Variants in NAA38 observed in about 807,000 individuals in gnomAD.
NAA38 encodes the protein N-alpha-acetyltransferase 38, NatC auxiliary subunit.
NAA38 carries 15 observed loss-of-function variants against 12.6 expected under a neutral mutation model. The observed-to-expected ratio is 1.19, with a 90% CI of 0.79 to 1.83. NAA38 has a LOEUF of 1.83. Ranked by LOEUF, NAA38 falls within the 40% of genes most tolerant of loss-of-function variation. NAA38 has a pLI of 0.00. For synonymous variants in NAA38, 88 were observed against 69.9 expected (o/e 1.26, Z -1.29); for missense variants, 183 against 171.7 (o/e 1.07, Z -0.37).
At chr17:7,861,743 C>A (rs2078884645), upstream of NAA38, 1 of 152,268 alleles carries the variant, frequency 6.6e-6, no homozygotes, top group Non-Finnish European at 1.5e-5. Context: ...AACTTCCTAA[C>A]CTGTTCTCCC....
upstream of NAA38, chr17:7,857,973 T>TA: frequency 1.3e-6 from 2 of 1,482,116 alleles, no homozygotes; most frequent in Non-Finnish European, 8.9e-7. Context: ...CCCTGATATT[T>TA]ATCTCAGTGG....
intron 2 of NAA38, among the ~76,000 whole-genome samples, chr17:7,881,716 A>G (rs1361759395): frequency 6.6e-6 from 1 of 150,572 alleles, no homozygotes; most frequent in Admixed American, 6.6e-5. Flanking sequence ...GGCACAAATA[A>G]GAGAAGGAAC....
chr17:7,877,181 T>C (rs556766682), intron 2 of NAA38: 109 of 223,268 alleles, frequency 4.9e-4, no homozygotes, highest in African/African-American at 2.4e-3. Flanking sequence ...TAATAAATAC[T>C]TTCTCATTGT....
chr17:7,856,764 C>T lies in NAA38; in HGVS notation c.345G>A (p.Gln115=), dbSNP rs781614563. ...ACGGAGGCCCGGTCAGACTCTCCCT[C>T]TGCACCTCAATGGAAACGATGTGGT... The part of the protein sequence containing the change: ...PGHHIVSIEV[Q]RESLTGPPYL The change falls in exon 3 of 3, where the codon CAG becomes CAA. Residue 115 remains glutamine (Q), a synonymous_variant. Transcript: ENST00000575771. The T allele has an allele frequency of 6.2e-7, 1 of 1,613,964 alleles. No individual in the cohort carries two copies. Among genetic ancestry groups the T allele is most frequent in the Admixed American group, 1.7e-5 (1 of 60,006 alleles).
chr17:7,884,533 G>A (rs941562374), intron 1 of NAA38, among the ~76,000 whole-genome samples: 1 of 140,496 alleles, frequency 7.1e-6, no homozygotes, highest in Non-Finnish European at 1.5e-5. Flanking sequence ...AGGAAAGAGA[G>A]AAGGAAAAAA....
At chr17:7,882,352 A>C (rs1438519939) in intron 2 of NAA38, among the ~76,000 whole-genome samples, 5 of 152,294 alleles carry the variant, frequency 3.3e-5, no homozygotes, top group Admixed American at 2.6e-4. Context: ...GGCCAGAAAG[A>C]GGGGGAGTCA....
chr17:7,870,491 C>T (rs1034941824), intron 2 of NAA38, among the ~76,000 whole-genome samples: 8 of 152,102 alleles, frequency 5.3e-5, no homozygotes, highest in South Asian at 2.1e-4. Context: ...ATCTTTTAAT[C>T]GAAAAGATAT....
Position 7,857,157 on chromosome 17 carries a change from G to A in NAA38, c.123C>T (p.Ala41=), listed in dbSNP as rs780941615. Reference sequence around the variant, plus strand: ...TGAGCAGCGCCTCTAGCTGCTGTCGGGCGCGCTCAGCCGCCGAGTCCTCGC... The same window carrying A: ...TGAGCAGCGCCTCTAGCTGCTGTCGAGCGCGCTCAGCCGCCGAGTCCTCGC... The part of the protein sequence containing the change: ...GEREDSAAER[A]RQQLEALLNK... The change falls in exon 2 of 3, where the codon GCC becomes GCT. Residue 41 remains alanine, a synonymous_variant. Transcript: ENST00000575771. 6.2e-7 allele frequency: 1 copy of A among 1,612,980 alleles called. No homozygotes were observed. Among genetic ancestry groups the A allele is most frequent in the South Asian group, 1.1e-5 (1 of 91,084 alleles).
upstream of NAA38, chr17:7,857,738 A>C (rs1469545949): frequency 7.8e-7 from 1 of 1,283,194 alleles, no homozygotes; most frequent in East Asian, 3.2e-5. Context: ...ATTTAGCGAG[A>C]ATACATTCTT....
At chr17:7,870,297 A>C (rs1203974966) in intron 2 of NAA38, among the ~76,000 whole-genome samples, 2 of 152,190 alleles carry the variant, frequency 1.3e-5, no homozygotes, top group African/African-American at 2.4e-5. Flanking sequence ...TTTTAAAAGC[A>C]GATCTAAAAA....
intron 2 of NAA38, among the ~76,000 whole-genome samples, chr17:7,878,677 G>T (rs989462496): frequency 6.6e-6 from 1 of 152,180 alleles, no homozygotes; most frequent in Non-Finnish European, 1.5e-5. Context: ...AGTGAGCTGA[G>T]ATCGCGCCAT....
At chr17:7,869,510 C>T (rs1967047142) in intron 2 of NAA38, among the ~76,000 whole-genome samples, 1 of 152,056 alleles carries the variant, frequency 6.6e-6, no homozygotes, top group Non-Finnish European at 1.5e-5. Flanking sequence ...GCCTATAATC[C>T]CAGCACTTTC....
intron 1 of NAA38, chr17:7,883,446 A>T (rs1158580331): frequency 1.3e-5 from 2 of 152,210 alleles, no homozygotes; most frequent in Non-Finnish European, 2.9e-5. Flanking sequence ...AAGTCAGTTG[A>T]ATTTTACATT....
At chr17:7,878,933 GTA>G (rs1197249724) in intron 2 of NAA38, among the ~76,000 whole-genome samples, 5 of 150,902 alleles carry the variant, frequency 3.3e-5, no homozygotes, top group East Asian at 1.9e-4. Context: ...ATGTATATGT[GTA>G]TATATGTTTA....
chr17:7,857,518 G>A lies in NAA38; in HGVS notation c.-55C>T, dbSNP rs2151384532. On this transcript the variant is annotated 5_prime_UTR_variant, in exon 1 of 3. Transcript: ENST00000575771. ...ACTTCCTAAGCACCTTTCAGGTTGG[G>A]TGGTCCGAGATCTCGCGAGCGCTCC... 3 of 1,476,766 alleles carry A rather than the reference G, an allele frequency of 2.0e-6. No homozygotes were observed. Among genetic ancestry groups the A allele is most frequent in the Middle Eastern group, 1.8e-4 (1 of 5,502 alleles). 91.5% of individuals were successfully genotyped at this position (1,476,766 alleles called of 1,614,324 possible). A position where few individuals can be genotyped will look rare whatever the true frequency, so the allele number is the denominator to read the frequency against.
chr17:7,871,989 G>A (rs1296016587), intron 2 of NAA38, among the ~76,000 whole-genome samples: 2 of 152,090 alleles, frequency 1.3e-5, no homozygotes, highest in Admixed American at 6.5e-5. Context: ...AACCCTGTCT[G>A]TAGTTCTTCT....
rs978540327 is a variant in NAA38 at position 7,866,582 on chromosome 17, A to G, written c.-65-24T>C. ...TTCTGAAATGCCCCCCAAGCTTTGC[A>G]TCAGAGCCTTCCTACATGCTGTTCC... On this transcript the variant is annotated intron_variant, in intron 2 of 4. Transcript: ENST00000576861. 39 of 1,120,116 alleles carry G rather than the reference A, an allele frequency of 3.5e-5. No individual in the cohort carries two copies. The African/African-American group carries it at 6.1e-4, about 18-fold the overall frequency. The allele number at this position is 1,120,116 out of a possible 1,614,324, so 69.4% of individuals were successfully genotyped here.
intron 2 of NAA38, chr17:7,877,229 T>C (rs1967189992): frequency 9.9e-6 from 2 of 201,008 alleles, no homozygotes. Flanking sequence ...ACAATCCCCC[T>C]TGACTATTTT....
intron 2 of NAA38, among the ~76,000 whole-genome samples, chr17:7,878,333 T>G (rs1451648336): frequency 6.6e-6 from 1 of 151,834 alleles, no homozygotes; most frequent in Non-Finnish European, 1.5e-5. Flanking sequence ...ACAGGTTAGA[T>G]TAAAGCAGTA....
Sources: allele counts gnomAD v4.1 joint callset (sites outside exome capture counted in the v4.1 genomes callset), GRCh38; gene constraint gnomAD v4.1.1; transcripts MANE v1.5; gene names NCBI Gene and HGNC (gene_info 2026-07-23, HGNC 2026-07-21).